The following PTPRN2 variants were observed in gnomAD, a reference collection of about 807,000 sequenced individuals.
PTPRN2 encodes receptor-type tyrosine-protein phosphatase N2.
A neutral mutation model predicts 118.8 loss-of-function variants in PTPRN2; 74 were observed. That is an observed-to-expected ratio of 0.62 (90% confidence interval 0.52 to 0.76). The LOEUF (loss-of-function observed/expected upper bound fraction) is 0.76. Ranked by LOEUF, PTPRN2 falls within the 30% of genes least tolerant of loss-of-function variation. The pLI is 0.00. For missense variants in PTPRN2, 1,481 were observed against 1,394.4 expected, an observed-to-expected ratio of 1.06 and a Z score of -0.99; for synonymous variants, 641 against 608.0, an observed-to-expected ratio of 1.05 and a Z score of -0.80.
chr7:157,688,679 T>C (rs1288915872), intron 12 of PTPRN2, among the ~76,000 whole-genome samples: 1 of 151,558 alleles, frequency 6.6e-6, no homozygotes, highest in Non-Finnish European at 1.5e-5. Flanking sequence ...ACTGGGGGGG[T>C]TACCGCTTCG....
At chr7:157,778,781 C>A (rs531151989) in intron 12 of PTPRN2, among the ~76,000 whole-genome samples, 21 of 152,142 alleles carry the variant, frequency 1.4e-4, no homozygotes, top group African/African-American at 4.1e-4. Flanking sequence ...GTGCCGAATG[C>A]CCACATAAAC....
chr7:157,975,277 A>G (rs1262067190), intron 11 of PTPRN2, among the ~76,000 whole-genome samples: 1 of 152,134 alleles, frequency 6.6e-6, no homozygotes, highest in East Asian at 1.9e-4. Context: ...TGCACCCTGT[A>G]TCCGTTTCTC....
intron 9 of PTPRN2, among the ~76,000 whole-genome samples, chr7:158,130,481 A>G (rs1309109033): frequency 6.6e-6 from 1 of 151,178 alleles, no homozygotes; most frequent in East Asian, 2.0e-4. Flanking sequence ...ACACACATGC[A>G]CATATGCACA....
chr7:157,910,548 G>A (rs114749257), intron 11 of PTPRN2, among the ~76,000 whole-genome samples: 7,424 of 152,258 alleles, frequency 0.049, 611 homozygotes, highest in African/African-American at 0.17. Context: ...CCGTAGGAAC[G>A]GGCGCAGAAT....
intron 12 of PTPRN2, among the ~76,000 whole-genome samples, chr7:157,897,554 C>T (rs1360005442): frequency 6.6e-6 from 1 of 152,220 alleles, no homozygotes; most frequent in Non-Finnish European, 1.5e-5. Flanking sequence ...GGGACGTGCA[C>T]GCCAGTTTCC....
At position 158,493,816 on chromosome 7, in the gene PTPRN2, C is replaced by T. The variant is rs1051452625; in HGVS notation, c.113-4031G>A. Among the ~76,000 whole-genome samples, 7 of 148,832 alleles carry T rather than the reference C, an allele frequency of 4.7e-5. 1 individual carries two copies. Among genetic ancestry groups the T allele is most frequent in the Non-Finnish European group, 9.0e-5 (6 of 66,954 alleles). On this transcript the variant is annotated intron_variant, in intron 1 of 22. Coordinates refer to ENST00000389418, the MANE Select transcript of PTPRN2 (RefSeq NM_002847.5). ...GCACACTCATGCCTGCACACATACA[C>T]GCACACCTGCATGCATACACACATG...
At chr7:158,208,942 T>G (rs1266485399) in intron 3 of PTPRN2, among the ~76,000 whole-genome samples, 1 of 152,156 alleles carries the variant, frequency 6.6e-6, no homozygotes, top group Non-Finnish European at 1.5e-5. Flanking sequence ...TGTGCTGGTT[T>G]GTTAGTTTGC....
In PTPRN2 at chr7:157,801,751, C is replaced by T. The variant is rs561616614; in HGVS notation, c.1788+96922G>A. Among the ~76,000 whole-genome samples the T allele has an allele frequency of 2.0e-5, 3 of 152,256 alleles. No individual in the cohort carries two copies. The highest frequency in any genetic ancestry group is 7.2e-5 in the African/African-American group (3 of 41,554). ...CTGCTGAATGCCTCCACCGAGGGTT[C>T]TGGGAAGGAAAACGCCCGCTTAGTG... On this transcript the variant is annotated intron_variant, in intron 12 of 22. Transcript: ENST00000389418. This position sits in a 1 kb window ranked among gnomAD's most constrained non-coding sequence, Gnocchi z 4.2.
chr7:157,747,917 T>C (rs1585367515), intron 12 of PTPRN2, among the ~76,000 whole-genome samples: 6 of 135,974 alleles, frequency 4.4e-5, no homozygotes, highest in African/African-American at 8.4e-5. Context: ...CCCTGAGGTG[T>C]GGGGTGTCCG....
At chr7:158,081,208 T>C in intron 11 of PTPRN2, 90 bp downstream of exon 11, 1 of 1,303,538 alleles carries the variant, frequency 7.7e-7, no homozygotes, top group South Asian at 1.2e-5. Context: ...TGAGTCTCTC[T>C]CTGCCCTGGC....
At chr7:157,575,164 G>A (rs1446380752) in intron 19 of PTPRN2, among the ~76,000 whole-genome samples, 1 of 152,170 alleles carries the variant, frequency 6.6e-6, no homozygotes. Flanking sequence ...CAAACACACT[G>A]GATGAACGCA....
intron 11 of PTPRN2, among the ~76,000 whole-genome samples, chr7:157,994,502 TC>T (rs1318056815): frequency 7.4e-6 from 1 of 134,442 alleles, no homozygotes; most frequent in African/African-American, 3.0e-5. Flanking sequence ...AGCTCCTTGT[TC>T]CTAAAATCAG....
intron 10 of PTPRN2, among the ~76,000 whole-genome samples, chr7:158,085,419 C>T (rs1166323507): frequency 2.3e-5 from 2 of 85,946 alleles, no homozygotes; most frequent in African/African-American, 4.1e-5. Context: ...ACACCCATGA[C>T]GCCCATCCAC....
intron 12 of PTPRN2, among the ~76,000 whole-genome samples, chr7:157,878,193 C>T (rs1356454238): frequency 6.6e-6 from 1 of 152,250 alleles, no homozygotes; most frequent in African/African-American, 2.4e-5. Context: ...CCACGGGAGA[C>T]CTCATGCACC....
In PTPRN2 at chr7:157,861,641, C is replaced by T. The variant is rs1401846695; in HGVS notation, c.1788+37032G>A. Among the ~76,000 whole-genome samples, 3 of 152,230 alleles carry T rather than the reference C, an allele frequency of 2.0e-5. No individual in the cohort carries two copies. Among genetic ancestry groups the T allele is most frequent in the African/African-American group, 7.2e-5 (3 of 41,470 alleles). On this transcript the variant is annotated intron_variant, in intron 12 of 22. Coordinates refer to ENST00000389418, the MANE Select transcript of PTPRN2 (RefSeq NM_002847.5). The surrounding 1 kb of genome is among the most constrained non-coding windows in gnomAD (Gnocchi z 5.8). ...ATGGGCTTGAAACAGTGGATGCCTG[C>T]AGTCTCACAGGCTGGGTTTGGAGAC...
chr7:158,341,970 C>T (rs1302288706), intron 2 of PTPRN2, among the ~76,000 whole-genome samples: 1 of 149,606 alleles, frequency 6.7e-6, no homozygotes, highest in African/African-American at 2.5e-5. Context: ...AGACGTCACT[C>T]ACACCCACAC....
intron 9 of PTPRN2, among the ~76,000 whole-genome samples, chr7:158,131,862 C>A (rs1432703897): frequency 6.6e-6 from 1 of 150,928 alleles, no homozygotes; most frequent in Non-Finnish European, 1.5e-5. Context: ...CAAATACCTA[C>A]AAACTGATAC....
At chr7:157,623,804 C>G (rs1369816156) in intron 14 of PTPRN2, among the ~76,000 whole-genome samples, 1 of 152,202 alleles carries the variant, frequency 6.6e-6, no homozygotes, top group Non-Finnish European at 1.5e-5. Flanking sequence ...TCTCTCTGCA[C>G]ACGCCACTCC....
chr7:157,717,778 C>T (rs1799003432), intron 12 of PTPRN2, among the ~76,000 whole-genome samples: 1 of 152,284 alleles, frequency 6.6e-6, no homozygotes, highest in Admixed American at 6.5e-5. Context: ...TGCGCCCCAT[C>T]CCTGTTACAC....
Sources: allele counts gnomAD v4.1 joint callset (sites outside exome capture counted in the v4.1 genomes callset), GRCh38; gene constraint gnomAD v4.1.1; non-coding constraint Gnocchi (gnomAD v3.1); transcripts MANE v1.5; gene names NCBI Gene and HGNC (gene_info 2026-07-23, HGNC 2026-07-21).